The following RBMS1 variants were observed in gnomAD, a reference collection of about 807,000 sequenced individuals.
RBMS1 encodes RNA binding motif single stranded interacting protein 1.
In RBMS1, 17 loss-of-function variants were observed where a neutral mutation model predicts 62.3. The observed-to-expected ratio is 0.27, with a 90% CI of 0.19 to 0.41. The LOEUF (loss-of-function observed/expected upper bound fraction) is 0.41, where lower values mean the gene tolerates loss of function less well. RBMS1 is among the 10% of genes least tolerant of loss of function. RBMS1 has a pLI of 1.00. For synonymous variants in RBMS1, 172 were observed against 170.0 expected, an observed-to-expected ratio of 1.01 and a Z score of -0.09; for missense variants, 334 against 504.5, an observed-to-expected ratio of 0.66 and a Z score of 3.24.
intron 1 of RBMS1, among the ~76,000 whole-genome samples, chr2:160,424,865 GA>G (rs1330257729): frequency 2.0e-5 from 3 of 151,814 alleles, no homozygotes; most frequent in Non-Finnish European, 2.9e-5. Context: ...TAAAAAGGGG[GA>G]AAAAATGAGC....
chr2:160,341,080 A>G (rs1243654554), intron 2 of RBMS1, among the ~76,000 whole-genome samples: 1 of 152,194 alleles, frequency 6.6e-6, no homozygotes, highest in Non-Finnish European at 1.5e-5. Flanking sequence ...GCTTAAAAAA[A>G]TATATGTTTG....
intron 1 of RBMS1, among the ~76,000 whole-genome samples, chr2:160,385,195 A>G (rs982354872): frequency 1.6e-4 from 25 of 152,162 alleles, no homozygotes; most frequent in African/African-American, 6.0e-4. Context: ...AACCACCAAC[A>G]GACTAACACA....
intron 6 of RBMS1, among the ~76,000 whole-genome samples, chr2:160,288,156 TGTGTTTCTAGTTAATGTAATAAAG>T (rs1426495023): frequency 6.6e-6 from 1 of 152,142 alleles, no homozygotes; most frequent in Non-Finnish European, 1.5e-5. Flanking sequence ...TGCATTTTTC[TGTGTTTCTAGTTAATGTAATAAAG>T]GCAATCACAC....
chr2:160,373,266 C>T (rs901534761), intron 1 of RBMS1, among the ~76,000 whole-genome samples: 1 of 152,184 alleles, frequency 6.6e-6, no homozygotes, highest in African/African-American at 2.4e-5. Context: ...TTGATCCTTG[C>T]ATGTAAAACT....
At chr2:160,375,982 T>C (rs951836103) in intron 1 of RBMS1, among the ~76,000 whole-genome samples, 1 of 152,114 alleles carries the variant, frequency 6.6e-6, no homozygotes, top group Admixed American at 6.5e-5. Flanking sequence ...CTGCAATGCA[T>C]TTCCTGCCTC....
chr2:160,324,913 C>T (rs370637066), intron 2 of RBMS1, among the ~76,000 whole-genome samples: 4,107 of 88,374 alleles, frequency 0.046, 120 homozygotes, highest in African/African-American at 0.09. Flanking sequence ...TATATACACA[C>T]ACACACACAC....
At chr2:160,316,058 T>C (rs894776685) in intron 3 of RBMS1, among the ~76,000 whole-genome samples, 4 of 152,182 alleles carry the variant, frequency 2.6e-5, no homozygotes, top group Admixed American at 1.3e-4. Flanking sequence ...TATATTAATA[T>C]TCTATAATCT....
At chr2:160,361,010 CTATCA>C (rs1379385909) in intron 2 of RBMS1, among the ~76,000 whole-genome samples, 8 of 152,162 alleles carry the variant, frequency 5.3e-5, no homozygotes, top group African/African-American at 1.2e-4. Flanking sequence ...TAGTAACAGG[CTATCA>C]TATCATAAGC....
intron 1 of RBMS1, among the ~76,000 whole-genome samples, chr2:160,451,170 T>TAAAAAA (rs945310789): frequency 6.3e-5 from 8 of 127,664 alleles, no homozygotes; most frequent in Admixed American, 3.6e-4. Flanking sequence ...AAAAAAAAAA[T>TAAAAAA]AAATAAATAA....
At chr2:160,329,842 T>C (rs536300811) in intron 2 of RBMS1, among the ~76,000 whole-genome samples, 4 of 151,880 alleles carry the variant, frequency 2.6e-5, no homozygotes, top group Non-Finnish European at 4.4e-5. Context: ...CCTTGCATAA[T>C]AGGAGAGCTG....
chr2:160,434,664 T>C (rs1683043050), intron 1 of RBMS1, among the ~76,000 whole-genome samples: 1 of 152,206 alleles, frequency 6.6e-6, no homozygotes, highest in Non-Finnish European at 1.5e-5. Flanking sequence ...ACTTAATTTT[T>C]AAGTAATTTA....
At chr2:160,459,229 T>C (rs1361869166) in intron 1 of RBMS1, among the ~76,000 whole-genome samples, 1 of 152,220 alleles carries the variant, frequency 6.6e-6, no homozygotes, top group East Asian at 1.9e-4. Context: ...TTATTCCTAC[T>C]TCCCATAAGT....
rs957774746 is a variant in RBMS1, at chr2:160,275,466, T to C, written c.*7+164A>G. Reference sequence around the variant, plus strand: ...GACAAAATGATTAATCTTAAATTCATAAAATCACTGATTTTAATATTTCAA... The same window carrying C: ...GACAAAATGATTAATCTTAAATTCACAAAATCACTGATTTTAATATTTCAA... On this transcript the variant is annotated intron_variant, in intron 13 of 13. Coordinates refer to ENST00000348849, the MANE Select transcript of RBMS1 (RefSeq NM_016836.4). 41 of 1,267,368 alleles carry C rather than the reference T, an allele frequency of 3.2e-5. No homozygotes were observed. The African/African-American group carries it at 5.1e-4, about 16-fold the overall frequency. 78.5% of individuals were successfully genotyped at this position (1,267,368 alleles called of 1,614,324 possible).
intron 4 of RBMS1, among the ~76,000 whole-genome samples, chr2:160,308,490 TAA>T (rs1689673909): frequency 6.6e-6 from 1 of 152,172 alleles, no homozygotes; most frequent in African/African-American, 2.4e-5. Context: ...ATAAAGGGGC[TAA>T]GTCAAGTCTA....
intron 2 of RBMS1, among the ~76,000 whole-genome samples, chr2:160,333,746 A>G (rs904193929): frequency 6.6e-6 from 1 of 152,204 alleles, no homozygotes; most frequent in African/African-American, 2.4e-5. Context: ...TTCTAGGTCC[A>G]TTAAATGAAA....
At chr2:160,448,634 C>T (rs180760398) in intron 1 of RBMS1, among the ~76,000 whole-genome samples, 6 of 152,324 alleles carry the variant, frequency 3.9e-5, no homozygotes, top group Non-Finnish European at 8.8e-5. Context: ...GGCGTGATCT[C>T]GGCTCGCTAC....
intron 1 of RBMS1, among the ~76,000 whole-genome samples, chr2:160,398,583 C>T (rs1301785727): frequency 2.0e-5 from 3 of 152,174 alleles, no homozygotes; most frequent in Non-Finnish European, 2.9e-5. Flanking sequence ...CTGAGCTGGA[C>T]ACTGCAGGAT....
intron 2 of RBMS1, among the ~76,000 whole-genome samples, chr2:160,323,721 T>C (rs1482952227): frequency 1.3e-5 from 2 of 152,064 alleles, no homozygotes; most frequent in Admixed American, 1.3e-4. Flanking sequence ...TAATATTCTT[T>C]GCTAGAGTAG....
chr2:160,376,234 T>C (rs1559468179), intron 1 of RBMS1, among the ~76,000 whole-genome samples: 1 of 152,036 alleles, frequency 6.6e-6, no homozygotes, highest in Non-Finnish European at 1.5e-5. Context: ...AGTAAGCTTA[T>C]AAAAAAAATA....
Sources: allele counts gnomAD v4.1 joint callset (sites outside exome capture counted in the v4.1 genomes callset), GRCh38; gene constraint gnomAD v4.1.1; transcripts MANE v1.5; gene names NCBI Gene and HGNC (gene_info 2026-07-23, HGNC 2026-07-21).